The following ADAP1 variants were observed in gnomAD, a reference collection of about 807,000 sequenced individuals.
ADAP1 encodes the protein arf-GAP with dual PH domain-containing protein 1.
A neutral mutation model predicts 54.9 loss-of-function variants in ADAP1; 31 were observed. The observed-to-expected ratio is 0.56, with a 90% CI of 0.42 to 0.76. The LOEUF (loss-of-function observed/expected upper bound fraction) is 0.76, where lower values mean the gene tolerates loss of function less well. Among genes scored for constraint, ADAP1 ranks in the 30% least tolerant of loss-of-function variants. The pLI is 0.00. For synonymous variants in ADAP1, 313 were observed against 202.6 expected (o/e 1.55, Z -4.63); for missense variants, 535 against 512.4 (o/e 1.04, Z -0.42).
At chr7:952,117 T>C (rs1372656979) in intron 1 of ADAP1, among the ~76,000 whole-genome samples, 2 of 149,734 alleles carry the variant, frequency 1.3e-5, no homozygotes, top group Non-Finnish European at 3.0e-5. Flanking sequence ...CTGCCAGGCC[T>C]GTGATGAGAG....
At chr7:913,820 A>C (rs1845823783) in intron 4 of ADAP1, among the ~76,000 whole-genome samples, 1 of 152,186 alleles carries the variant, frequency 6.6e-6, no homozygotes, top group African/African-American at 2.4e-5. Flanking sequence ...CTGTAGTCCC[A>C]GCTACTCAGG....
rs1275365164 is a variant in ADAP1 at position 945,127 on chromosome 7, G to A, written c.82+9269C>T. ...CTTCCAGTAAGGAAAAAGCCTGGCT[G>A]GTCCCCAAGGCAGAAGGGACGGGCT... On this transcript the variant is annotated intron_variant, in intron 1 of 10. Transcript: ENST00000265846. The surrounding 1 kb of genome is among the most constrained non-coding windows in gnomAD (Gnocchi z 4.2). 2.0e-5 allele frequency among the ~76,000 whole-genome samples: 3 copies of A among 152,190 alleles called. No homozygotes were observed. The highest frequency in any genetic ancestry group is 6.5e-5 in the Admixed American group (1 of 15,276).
chr7:905,315 GGA>G (rs200966272), intron 4 of ADAP1, 143 bp from the exon 5 acceptor site: 15,899 of 489,430 alleles, frequency 0.032, 2,595 homozygotes, highest in African/African-American at 0.16. Context: ...AGACGGACGG[GGA>G]GAGGGGACAT....
intron 4 of ADAP1, chr7:905,724 GAAAGGA>G (rs1845208784): frequency 2.4e-4 from 1 of 4,208 alleles, no homozygotes; most frequent in Admixed American, 3.0e-3. Context: ...AGGAGAAAGG[GAAAGGA>G]GAAAGGGAAA....
intron 2 of ADAP1, among the ~76,000 whole-genome samples, chr7:932,042 C>G (rs1424974801): frequency 6.6e-6 from 1 of 152,254 alleles, no homozygotes; most frequent in East Asian, 1.9e-4. Context: ...AGACCCAGCC[C>G]TGCCTGGGGG....
chr7:943,346 G>GC (rs1415360931), intron 1 of ADAP1, among the ~76,000 whole-genome samples: 1 of 12,476 alleles, frequency 8.0e-5, no homozygotes, highest in Non-Finnish European at 1.5e-4. Flanking sequence ...GAGGAAGGGA[G>GC]GAGGAGGAAG....
At chr7:907,557 G>A (rs1172843570) in intron 4 of ADAP1, among the ~76,000 whole-genome samples, 3 of 151,996 alleles carry the variant, frequency 2.0e-5, no homozygotes, top group Non-Finnish European at 4.4e-5. Flanking sequence ...GCCACTCAGA[G>A]GGGCGTTCCC....
intron 4 of ADAP1, chr7:905,690 GAAAGGAGAAAGGA>G (rs1845199728): frequency 1.2e-5 from 1 of 85,308 alleles, no homozygotes; most frequent in African/African-American, 5.6e-5. Context: ...GGAGAAAGGA[GAAAGGAGAAAGGA>G]GAAAGGAGAA....
In ADAP1 at chr7:940,482, T is replaced by C. The variant is rs1008195874; in HGVS notation, c.83-4977A>G. On this transcript the variant is annotated intron_variant, in intron 1 of 10. Coordinates refer to ENST00000265846, the MANE Select transcript of ADAP1 (RefSeq NM_006869.4). ...GGTTGTCACTGGTAGGGCAGGAAGT[T>C]TGTATCATTTTTAAAAAGCTTTTGT... 5.3e-5 allele frequency among the ~76,000 whole-genome samples: 8 copies of C among 152,250 alleles called. No individual in the cohort carries two copies. The South Asian group carries it at 1.5e-3, about 28-fold the overall frequency.
intron 8 of ADAP1, among the ~76,000 whole-genome samples, chr7:899,855 C>T (rs757271471): frequency 1.4e-4 from 22 of 152,274 alleles, no homozygotes; most frequent in East Asian, 3.9e-4. Context: ...CCCCTGGCCG[C>T]GCAGGTGCAC....
At chr7:924,838 G>A (rs1846328383) in intron 3 of ADAP1, among the ~76,000 whole-genome samples, 1 of 152,190 alleles carries the variant, frequency 6.6e-6, no homozygotes, top group Admixed American at 6.5e-5. Context: ...TGGGGGCGGG[G>A]TGATAAAATA....
intron 1 of ADAP1, among the ~76,000 whole-genome samples, chr7:939,789 C>T (rs1468253443): frequency 2.6e-5 from 4 of 151,368 alleles, no homozygotes; most frequent in Admixed American, 6.6e-5. Context: ...CGAGATCGTG[C>T]CACTGCACTC....
intron 4 of ADAP1, among the ~76,000 whole-genome samples, chr7:918,351 G>A (rs536797720): frequency 1.1e-4 from 16 of 152,318 alleles, no homozygotes; most frequent in South Asian, 6.2e-4. Flanking sequence ...CGAGCAGCTG[G>A]GACTACAGGT....
chr7:905,923 GGA>G (rs751091959), intron 4 of ADAP1, among the ~76,000 whole-genome samples: 24 of 218 alleles, frequency 0.11, 10 homozygotes, highest in Middle Eastern at 1. Context: ...AAGGAGAAAG[GGA>G]GAAAGGAGAA....
chr7:910,411 G>A (rs1845676124), intron 4 of ADAP1, among the ~76,000 whole-genome samples: 5 of 152,132 alleles, frequency 3.3e-5, no homozygotes, highest in Admixed American at 2.0e-4. Context: ...CACCACACCC[G>A]GCTAAGTTCT....
At chr7:948,404 G>A (rs573898805) in intron 1 of ADAP1, among the ~76,000 whole-genome samples, 67 of 152,118 alleles carry the variant, frequency 4.4e-4, no homozygotes, top group African/African-American at 1.5e-3. Context: ...CCTCCCCGCC[G>A]GCCCATGGCC....
chr7:925,800 C>A (rs1355834602), intron 3 of ADAP1, among the ~76,000 whole-genome samples: 9 of 152,340 alleles, frequency 5.9e-5, no homozygotes, highest in East Asian at 5.8e-4. Context: ...GGTATCTCTG[C>A]GGGGTGGGCC....
chr7:935,925 A>T (rs992191115), intron 1 of ADAP1, among the ~76,000 whole-genome samples: 7 of 152,150 alleles, frequency 4.6e-5, no homozygotes, highest in African/African-American at 1.7e-4. Context: ...TGGGGCCAAG[A>T]TTGGGAAATT....
At chr7:932,929 C>T (rs1220454553) in intron 2 of ADAP1, among the ~76,000 whole-genome samples, 1 of 152,158 alleles carries the variant, frequency 6.6e-6, no homozygotes, top group South Asian at 2.1e-4. Context: ...CTTTTTCTGT[C>T]TCCCAGGCTG....
Sources: allele counts gnomAD v4.1 joint callset (sites outside exome capture counted in the v4.1 genomes callset), GRCh38; gene constraint gnomAD v4.1.1; non-coding constraint Gnocchi (gnomAD v3.1); transcripts MANE v1.5; gene names NCBI Gene and HGNC (gene_info 2026-07-23, HGNC 2026-07-21).